Variants in ANKRD11 observed in about 807,000 individuals in gnomAD.
ANKRD11 encodes the protein ankyrin repeat domain 11, also known as ankyrin repeat domain-containing protein 11.
ANKRD11 carries 17 observed loss-of-function variants against 195.7 expected under a neutral mutation model. The ratio of observed to expected loss-of-function variants is 0.09; its 90% CI spans 0.06 to 0.13. The LOEUF (loss-of-function observed/expected upper bound fraction) is 0.13, where lower values mean the gene tolerates loss of function less well. Among genes scored for constraint, ANKRD11 ranks in the 10% least tolerant of loss-of-function variants. The probability of loss-of-function intolerance (pLI) is 1.00; values close to 1 mark genes in which losing one functional copy is unlikely to be tolerated. For missense variants in ANKRD11, 3,735 were observed against 3,566.1 expected (o/e 1.05, Z -1.21); for synonymous variants, 1,953 against 1,528.1 (o/e 1.28, Z -6.49).
intron 2 of ANKRD11, among the ~76,000 whole-genome samples, chr16:89,349,210 G>C (rs575798150): frequency 7.3e-6 from 1 of 136,350 alleles, no homozygotes; most frequent in Non-Finnish European, 1.6e-5. Context: ...CAAAAGAATC[G>C]ATAAATAGAA....
rs141730943 is a variant in ANKRD11, at chr16:89,398,436, A to G, written c.-60+19848T>C. On this transcript the variant is annotated intron_variant, in intron 2 of 12. Transcript: ENST00000301030. The stretch of plus-strand genomic sequence containing the variant: ...ACTCTGGGAGGCTGACAAGAGGGAC[A>G]CTGTGAAACAGCTGAAGATTACCTG... Among the ~76,000 whole-genome samples, 92 of 131,148 alleles carry G rather than the reference A, an allele frequency of 7.0e-4. 7 individuals are homozygous for G. The highest frequency in any genetic ancestry group is 2.8e-3 in the African/African-American group (83 of 30,004). 86.0% of individuals were successfully genotyped at this position (131,148 alleles called of 152,430 possible).
At chr16:89,461,551 G>C (rs922766906) in intron 1 of ANKRD11, among the ~76,000 whole-genome samples, 2 of 152,076 alleles carry the variant, frequency 1.3e-5, no homozygotes, top group African/African-American at 4.8e-5. Flanking sequence ...CATTTGCCCA[G>C]GCTGGTCTCA....
chr16:89,473,783 G>A (rs903788838), intron 1 of ANKRD11, among the ~76,000 whole-genome samples: 1 of 152,188 alleles, frequency 6.6e-6, no homozygotes, highest in African/African-American at 2.4e-5. Flanking sequence ...CAGTGTCCAT[G>A]CCTCCTTGTA....
intron 1 of ANKRD11, among the ~76,000 whole-genome samples, chr16:89,452,972 G>C (rs927288036): frequency 6.6e-6 from 1 of 151,952 alleles, no homozygotes; most frequent in Admixed American, 6.6e-5. Flanking sequence ...TCTAAATAGA[G>C]ACAGGGCCTC....
intron 2 of ANKRD11, among the ~76,000 whole-genome samples, chr16:89,342,991 G>C (rs1423899351): frequency 6.6e-6 from 1 of 152,162 alleles, no homozygotes; most frequent in African/African-American, 2.4e-5. Flanking sequence ...TAAAGACTAT[G>C]TACTCATGTC....
intron 1 of ANKRD11, among the ~76,000 whole-genome samples, chr16:89,471,878 GT>G: frequency 6.7e-6 from 1 of 149,546 alleles, no homozygotes; most frequent in Admixed American, 6.7e-5. Context: ...AGGAAAACAT[GT>G]ACCTTAAGTC....
At position 89,299,579 on chromosome 16, in the gene ANKRD11, C is replaced by T. The variant is rs543603559; in HGVS notation, c.226+5627G>A. 2.6e-4 allele frequency: 44 copies of T among 167,208 alleles called. No individual in the cohort carries two copies. In the Admixed American group the frequency reaches 3.4e-3, roughly 13 times the overall value. 10.4% of individuals were successfully genotyped at this position (167,208 alleles called of 1,614,324 possible). The stretch of plus-strand genomic sequence containing the variant: ...TGAGCTGCCTGCCCCGTGTGGGGTG[C>T]GTGGGGTCTGTGCCCTGTGTGGGGT... On this transcript the variant is annotated intron_variant, in intron 4 of 12. Transcript: ENST00000301030.
intron 1 of ANKRD11, among the ~76,000 whole-genome samples, chr16:89,464,241 A>G (rs1294951457): frequency 6.6e-6 from 1 of 151,158 alleles, no homozygotes; most frequent in African/African-American, 2.4e-5. Flanking sequence ...TCCATCTCAA[A>G]AGAAAAAAAA....
intron 2 of ANKRD11, among the ~76,000 whole-genome samples, chr16:89,337,838 G>A (rs1478391280): frequency 2.6e-5 from 4 of 152,188 alleles, no homozygotes; most frequent in Non-Finnish European, 5.9e-5. Context: ...AGTCAGCAAT[G>A]CCTGTTCCTC....
chr16:89,413,241 T>C (rs2042166655), intron 2 of ANKRD11, among the ~76,000 whole-genome samples: 1 of 152,262 alleles, frequency 6.6e-6, no homozygotes, highest in Non-Finnish European at 1.5e-5. Flanking sequence ...AATGGAGTTA[T>C]TTATCTTGGC....
intron 1 of ANKRD11, among the ~76,000 whole-genome samples, chr16:89,434,284 T>C (rs978084962): frequency 2.0e-5 from 3 of 152,008 alleles, no homozygotes; most frequent in African/African-American, 7.3e-5. Context: ...TAAATCTAAT[T>C]TAAAAAAAAA....
chr16:89,396,675 T>C (rs145311720), intron 2 of ANKRD11, among the ~76,000 whole-genome samples: 77 of 152,240 alleles, frequency 5.1e-4, no homozygotes, highest in African/African-American at 1.8e-3. Flanking sequence ...GCTCCTCTAA[T>C]TGCTATTTGT....
chr16:89,464,098 G>T (rs1242192655), intron 1 of ANKRD11, among the ~76,000 whole-genome samples: 1 of 151,874 alleles, frequency 6.6e-6, no homozygotes, highest in Non-Finnish European at 1.5e-5. Context: ...AATTAATCAG[G>T]CATGGTGGCG....
At chr16:89,418,639 G>A (rs1469064800) in intron 1 of ANKRD11, 1 of 158,276 alleles carries the variant, frequency 6.3e-6, no homozygotes, top group Non-Finnish European at 1.4e-5. Context: ...ATACAATCTT[G>A]TGAAATCACC....
At chr16:89,392,105 C>T (rs945191002) in intron 2 of ANKRD11, among the ~76,000 whole-genome samples, 2 of 152,156 alleles carry the variant, frequency 1.3e-5, no homozygotes, top group African/African-American at 4.8e-5. Context: ...AATGTGAGGT[C>T]CCGTTCCAGC....
chr16:89,385,430 A>G (rs1172788222), intron 2 of ANKRD11, among the ~76,000 whole-genome samples: 1 of 152,162 alleles, frequency 6.6e-6, no homozygotes, highest in African/African-American at 2.4e-5. Flanking sequence ...GACCCAGCAG[A>G]CAGAAATGGT....
rs2033987665 is a variant in ANKRD11, at chr16:89,279,606, C to T, written c.6936G>A (p.Pro2312=). The T allele has an allele frequency of 1.4e-6, 2 of 1,439,490 alleles. No homozygotes were observed. The highest frequency in any genetic ancestry group is 2.5e-5 in the East Asian group (1 of 40,126). The allele number at this position is 1,439,490 out of a possible 1,614,324, so 89.2% of individuals were successfully genotyped here. A position where few individuals can be genotyped will look rare whatever the true frequency, so the allele number is the denominator to read the frequency against. The part of the protein sequence containing the change: ...PAEGPPGGIQ[P]EAAEPKPTAE... ...CCGTGGGTTTTGGTTCTGCGGCTTCCGGCTGGATGCCGCCAGGAGGGCCTT... is the reference window on the plus strand; with the variant it reads ...CCGTGGGTTTTGGTTCTGCGGCTTCTGGCTGGATGCCGCCAGGAGGGCCTT... Residue 2312 remains proline (P), a synonymous_variant, in exon 9 of 13, where the codon CCG becomes CCA. Coordinates refer to ENST00000301030, the MANE Select transcript of ANKRD11 (RefSeq NM_013275.6). The surrounding 1 kb of genome is among the most constrained non-coding windows in gnomAD (Gnocchi z 5.6).
chr16:89,471,496 A>C (rs973697525), intron 1 of ANKRD11, among the ~76,000 whole-genome samples: 1 of 151,728 alleles, frequency 6.6e-6, no homozygotes, highest in African/African-American at 2.4e-5. Flanking sequence ...GGAGACACTT[A>C]AGATATGATT....
intron 2 of ANKRD11, among the ~76,000 whole-genome samples, chr16:89,411,705 G>A (rs1258626879): frequency 6.6e-6 from 1 of 151,884 alleles, no homozygotes; most frequent in East Asian, 1.9e-4. Flanking sequence ...GTTTACATTC[G>A]GAACCCACCA....
Sources: allele counts gnomAD v4.1 joint callset (sites outside exome capture counted in the v4.1 genomes callset), GRCh38; gene constraint gnomAD v4.1.1; non-coding constraint Gnocchi (gnomAD v3.1); transcripts MANE v1.5; gene names NCBI Gene and HGNC (gene_info 2026-07-23, HGNC 2026-07-21).